UBL7: variants seen among roughly 807,000 people sequenced by gnomAD.
The protein encoded by UBL7 is ubiquitin like 7.
UBL7 carries 21 observed loss-of-function variants against 41.7 expected under a neutral mutation model. The ratio of observed to expected loss-of-function variants is 0.50; its 90% CI spans 0.36 to 0.73. UBL7 has a LOEUF of 0.73. Among genes scored for constraint, UBL7 ranks in the 30% least tolerant of loss-of-function variants. UBL7 has a pLI of 0.00. For synonymous variants in UBL7, 157 were observed against 186.9 expected (o/e 0.84, Z 1.31); for missense variants, 403 against 478.4 (o/e 0.84, Z 1.47).
chr15:74,452,197 C>T, intron 4 of UBL7, 99 bp downstream of exon 4: 3 of 1,305,506 alleles, frequency 2.3e-6, no homozygotes, highest in Admixed American at 2.1e-5. Flanking sequence ...CTCTTGGTTG[C>T]CATGGCAACG....
At chr15:74,459,087 C>T (rs1431017752) in intron 1 of UBL7, 191 bp from the exon 2 acceptor site, 13 of 562,416 alleles carry the variant, frequency 2.3e-5, no homozygotes, top group African/African-American at 5.6e-5. Flanking sequence ...GCTCTCTAGG[C>T]CTCAGTTTCT....
At chr15:74,450,744 C>A in intron 6 of UBL7, 58 bp downstream of exon 6, 3 of 1,586,106 alleles carry the variant, frequency 1.9e-6, no homozygotes, top group Non-Finnish European at 2.6e-6. Flanking sequence ...GACAATTAGG[C>A]TTCTGGCCTG....
chr15:74,454,618 G>C (rs796312780), intron 3 of UBL7, among the ~76,000 whole-genome samples: 12 of 152,046 alleles, frequency 7.9e-5, no homozygotes, highest in African/African-American at 2.9e-4. Flanking sequence ...GGCTTGTCTC[G>C]AACTCCCAAT....
Position 74,448,589 on chromosome 15 carries a change from T to G in UBL7, c.894A>C (p.Ser298=). The change falls in exon 10 of 11, where the codon TCA becomes TCC. Residue 298 remains serine (S), a synonymous_variant. Transcript: ENST00000395081. ...CACCAGAGGACATTGGTGAGGTCCC[T>G]GAGGAATGACCCTAGAGACAAATTA... ...TPTPGTQGHS[S]GTSPMSSGVQ... 4 of 1,613,976 alleles carry G rather than the reference T, an allele frequency of 2.5e-6. No homozygotes were observed. The highest frequency in any genetic ancestry group is 3.4e-6 in the Non-Finnish European group (4 of 1,179,900).
intron 3 of UBL7, 31 bp downstream of exon 3, chr15:74,456,519 ACT>A (rs766642082): frequency 6.2e-7 from 1 of 1,611,264 alleles, no homozygotes; most frequent in Non-Finnish European, 8.5e-7. Context: ...TATTACAGAA[ACT>A]CTGCCTGCCT....
chr15:74,452,217 C>G, intron 4 of UBL7, 79 bp downstream of exon 4: 1 of 1,454,958 alleles, frequency 6.9e-7, no homozygotes, highest in Non-Finnish European at 9.3e-7. Context: ...GGGCTTCCAG[C>G]TCCCACTCCA....
At position 74,451,200 on chromosome 15, in the gene UBL7, T is replaced by C. The variant is rs1444772903; in HGVS notation, c.472+236A>G. 2.0e-5 allele frequency among the ~76,000 whole-genome samples: 3 copies of C among 152,180 alleles called. No homozygotes were observed. The East Asian group carries it at 5.8e-4, about 29-fold the overall frequency. ...TTGCTGTGATGTGGGCTAACTGCTA[T>C]CCTCATTTGGCATCCTCATACCCTT... On this transcript the variant is annotated intron_variant, in intron 5 of 10. Coordinates refer to ENST00000395081, the MANE Select transcript of UBL7 (RefSeq NM_032907.5).
chr15:74,455,069 AAGGATTCCAG>A (rs2061282295), intron 3 of UBL7, among the ~76,000 whole-genome samples: 1 of 152,206 alleles, frequency 6.6e-6, no homozygotes, highest in African/African-American at 2.4e-5. Context: ...TGATCCCCAA[AAGGATTCCAG>A]GGCCTGGCTG....
intron 8 of UBL7, 109 bp downstream of exon 8, chr15:74,449,517 C>T (rs1306298555): frequency 9.5e-6 from 15 of 1,573,140 alleles, no homozygotes; most frequent in East Asian, 2.2e-5. Flanking sequence ...CCCCCAATGG[C>T]GTATGTCCAT....
At chr15:74,447,183 G>A (rs1051277886) in intron 10 of UBL7, among the ~76,000 whole-genome samples, 2 of 152,156 alleles carry the variant, frequency 1.3e-5, no homozygotes, top group Admixed American at 6.5e-5. Context: ...TGTCTACAAG[G>A]ACCACATGGA....
chr15:74,455,482 A>G (rs1270989554), intron 3 of UBL7, among the ~76,000 whole-genome samples: 2 of 152,238 alleles, frequency 1.3e-5, no homozygotes, highest in African/African-American at 4.8e-5. Context: ...AACTGAACAA[A>G]TCACCACCTG....
rs552664073 is a variant in UBL7 at position 74,452,267 on chromosome 15, C to T, written c.387+29G>A. On this transcript the variant is annotated intron_variant, in intron 4 of 10. Transcript: ENST00000395081. ...CAGCGTTCACACCCTCTCCTACAGT[C>T]CTGGCTGGGGGCCGCAGCACACACT... 7.7e-6 allele frequency: 12 copies of T among 1,548,968 alleles called. No individual in the cohort carries two copies. In the East Asian group the frequency reaches 2.7e-4, roughly 35 times the overall value.
chr15:74,460,867 A>G, intron 1 of UBL7, 170 bp downstream of exon 1: 7 of 1,193,480 alleles, frequency 5.9e-6, no homozygotes, highest in Non-Finnish European at 7.4e-6. Flanking sequence ...AGTTTATGCC[A>G]GAAGGAGGTC....
At chr15:74,454,206 T>C (rs368782660) in intron 3 of UBL7, among the ~76,000 whole-genome samples, 12 of 152,284 alleles carry the variant, frequency 7.9e-5, no homozygotes, top group African/African-American at 2.9e-4. Context: ...ACTGTAATGA[T>C]TAAATGAGGT....
rs572318216 is a variant in UBL7, at chr15:74,459,145, TTG to T, written c.-29-251_-29-250del. Reference sequence around the variant, plus strand: ...AACGCCATCCAATCTAATAGGAATGTTGTGAGAGAGATCATCTAACCCTCTCC... The same window carrying T: ...AACGCCATCCAATCTAATAGGAATGTTGAGAGAGATCATCTAACCCTCTCC... On this transcript the variant is annotated intron_variant, in intron 1 of 10. Transcript: ENST00000395081. 105 of 422,726 alleles carry T rather than the reference TTG, an allele frequency of 2.5e-4. 1 individual carries two copies. Among genetic ancestry groups the T allele is most frequent in the African/African-American group, 2.0e-3 (102 of 50,590 alleles). The allele number at this position is 422,726 out of a possible 1,614,324, so 26.2% of individuals were successfully genotyped here.
At chr15:74,458,921 G>A (rs1401469782) in intron 1 of UBL7, 25 bp from the exon 2 acceptor site, 2 of 1,595,700 alleles carry the variant, frequency 1.3e-6, no homozygotes, top group Non-Finnish European at 8.5e-7. Context: ...AACCTCAGTG[G>A]TTAAAAGACA....
chr15:74,447,702 G>A (rs1392662872), intron 10 of UBL7, among the ~76,000 whole-genome samples: 3 of 152,030 alleles, frequency 2.0e-5, no homozygotes, highest in Non-Finnish European at 4.4e-5. Flanking sequence ...GTGACACCCT[G>A]TCTCAATCAA....
At chr15:74,448,355 T>C (rs1206027685) in intron 10 of UBL7, 123 bp downstream of exon 10, 4 of 1,476,758 alleles carry the variant, frequency 2.7e-6, no homozygotes, top group African/African-American at 1.4e-5. Flanking sequence ...CCCACTGCCA[T>C]GCTCCAGCTG....
chr15:74,460,150 G>C (rs1029553743), intron 1 of UBL7, among the ~76,000 whole-genome samples: 3 of 151,812 alleles, frequency 2.0e-5, no homozygotes, highest in African/African-American at 7.3e-5. Flanking sequence ...GCTGAGGCAG[G>C]AGAATTGCTT....
Sources: allele counts gnomAD v4.1 joint callset (sites outside exome capture counted in the v4.1 genomes callset), GRCh38; gene constraint gnomAD v4.1.1; transcripts MANE v1.5; gene names NCBI Gene and HGNC (gene_info 2026-07-23, HGNC 2026-07-21).